Variants in ZFHX3 observed in about 807,000 individuals in gnomAD.
ZFHX3 encodes zinc finger homeobox protein 3.
A neutral mutation model predicts 279.1 loss-of-function variants in ZFHX3; 42 were observed. That is an observed-to-expected ratio of 0.15 (90% confidence interval 0.12 to 0.19). ZFHX3 has a LOEUF of 0.19. Ranked by LOEUF, ZFHX3 falls within the 10% of genes least tolerant of loss-of-function variation. The pLI, the probability that ZFHX3 is intolerant of heterozygous loss-of-function variation, is 1.00. For synonymous variants in ZFHX3, 2,293 were observed against 1,957.8 expected (o/e 1.17, Z -4.52); for missense variants, 4,981 against 4,754.0 (o/e 1.05, Z -1.40).
intron 3 of ZFHX3, among the ~76,000 whole-genome samples, chr16:72,927,213 T>A (rs1959500638): frequency 6.6e-6 from 1 of 152,246 alleles, no homozygotes; most frequent in Non-Finnish European, 1.5e-5. Flanking sequence ...TAATTTCCAT[T>A]TTTAAACAGT....
rs868759742 is a variant in ZFHX3 at position 72,949,673 on chromosome 16, G to T, written c.3216+796C>A. 1.6e-4 allele frequency among the ~76,000 whole-genome samples: 24 copies of T among 151,824 alleles called. 1 individual carries two copies. Among genetic ancestry groups the T allele is most frequent in the Middle Eastern group, 6.8e-3 (2 of 294 alleles). On this transcript the variant is annotated intron_variant, in intron 3 of 9. Coordinates refer to ENST00000268489, the MANE Select transcript of ZFHX3 (RefSeq NM_006885.4). ...GAGGAGAAGAGACAGAGGAAGAGGG[G>T]GAGGATGGGAGAAGCCCAGGAAGAA...
chr16:73,573,294 T>C (rs1309718236), intron 2 of ZFHX3, among the ~76,000 whole-genome samples: 1 of 152,070 alleles, frequency 6.6e-6, no homozygotes, highest in Non-Finnish European at 1.5e-5. Context: ...CCCTCCCCAA[T>C]GTGAAGGGAT....
At chr16:73,484,817 G>C (rs2018944451) in intron 2 of ZFHX3, among the ~76,000 whole-genome samples, 1 of 152,146 alleles carries the variant, frequency 6.6e-6, no homozygotes, top group South Asian at 2.1e-4. Flanking sequence ...AGTTACATAG[G>C]AACATCTCAT....
intron 1 of ZFHX3, among the ~76,000 whole-genome samples, chr16:73,023,588 G>T (rs368255829): frequency 6.6e-6 from 1 of 152,228 alleles, no homozygotes; most frequent in Non-Finnish European, 1.5e-5. Context: ...CTGTGCTTAC[G>T]CAGGTCACAC....
At position 72,788,170 on chromosome 16, in the gene ZFHX3, T is replaced by C; in HGVS notation, c.10106A>G (p.Gln3369Arg). The C allele has an allele frequency of 6.2e-7, 1 of 1,612,108 alleles. No individual in the cohort carries two copies. The highest frequency in any genetic ancestry group is 1.7e-5 in the Admixed American group (1 of 59,956). ...SLLQQYQQYQ[Q>R]SLQEAIQQQQ... ...CTGCTGAATTGCCTCCTGCAGACTC[T>C]GCTGGTATTGCTGGTACTGCTGCAG... The change falls in exon 10 of 10, where the codon CAG becomes CGG. Residue 3369 changes from glutamine to arginine, a missense_variant. Transcript: ENST00000268489.
intron 4 of ZFHX3, among the ~76,000 whole-genome samples, chr16:72,850,876 G>A (rs1436932502): frequency 6.6e-6 from 1 of 151,980 alleles, no homozygotes; most frequent in Admixed American, 6.6e-5. Context: ...CTGCAAGCAG[G>A]AACATTTGAC....
intron 1 of ZFHX3, among the ~76,000 whole-genome samples, chr16:73,756,569 CA>C (rs879914734): frequency 0.014 from 2,083 of 152,274 alleles, 21 homozygotes; most frequent in Middle Eastern, 0.031. Flanking sequence ...GGAGGGAGAC[CA>C]AGCTGACCTT....
chr16:73,229,165 C>T (rs931876190), intron 5 of ZFHX3, among the ~76,000 whole-genome samples: 1 of 152,134 alleles, frequency 6.6e-6, no homozygotes, highest in African/African-American at 2.4e-5. Flanking sequence ...TCTCTGGAAA[C>T]ACAAAGAAAG....
intron 5 of ZFHX3, among the ~76,000 whole-genome samples, chr16:73,157,464 G>GAAAAAAA (rs554099254): frequency 4.5e-5 from 1 of 22,036 alleles, no homozygotes; most frequent in African/African-American, 5.1e-4. Context: ...GGAATGTTTG[G>GAAAAAAA]TAAAAAAAAA....
chr16:73,393,983 CAT>C (rs1315013649), intron 3 of ZFHX3, among the ~76,000 whole-genome samples: 1 of 146,000 alleles, frequency 6.8e-6, no homozygotes, highest in Non-Finnish European at 1.5e-5. Flanking sequence ...TCATATATAT[CAT>C]ATATGTGATA....
chr16:73,666,768 A>G (rs1301836839), intron 2 of ZFHX3, among the ~76,000 whole-genome samples: 1 of 151,778 alleles, frequency 6.6e-6, no homozygotes, highest in African/African-American at 2.4e-5. Context: ...TCTCAAGTCA[A>G]TCCATCTGCC....
At chr16:73,880,607 C>T (rs1263546863) in intron 1 of ZFHX3, among the ~76,000 whole-genome samples, 1 of 152,092 alleles carries the variant, frequency 6.6e-6, no homozygotes, top group Non-Finnish European at 1.5e-5. Flanking sequence ...AGGCTTAGAG[C>T]AGTGTAGCTC....
chr16:73,222,402 C>T (rs1480203170), intron 5 of ZFHX3, among the ~76,000 whole-genome samples: 1 of 151,998 alleles, frequency 6.6e-6, no homozygotes, highest in Non-Finnish European at 1.5e-5. Context: ...ATACAAAACT[C>T]AATCACTCTC....
In ZFHX3 at chr16:72,784,246, C is replaced by G. The variant is rs569380841; in HGVS notation, c.*2918G>C. 1 of 147,706 alleles carries G rather than the reference C, an allele frequency of 6.8e-6. No homozygotes were observed. The highest frequency in any genetic ancestry group is 2.1e-4 in the South Asian group (1 of 4,694). The allele number at this position is 147,706 out of a possible 1,614,324, so 9.1% of individuals were successfully genotyped here. The stretch of plus-strand genomic sequence containing the variant: ...TCACAGAGGGAGGATGGCATAGTAG[C>G]TCCATGAAAAAAAAAAACAAAAACA... On this transcript the variant is annotated 3_prime_UTR_variant, in exon 10 of 10. Coordinates refer to ENST00000268489, the MANE Select transcript of ZFHX3 (RefSeq NM_006885.4).
At chr16:73,596,018 T>C (rs1337340785) in intron 2 of ZFHX3, among the ~76,000 whole-genome samples, 1 of 146,104 alleles carries the variant, frequency 6.8e-6, no homozygotes, top group Non-Finnish European at 1.5e-5. Context: ...TTTTATTTTA[T>C]TTTATTTTAT....
intron 4 of ZFHX3, among the ~76,000 whole-genome samples, chr16:72,875,157 CAGGGAACTCCCATAGAGAATTCCCAT>C (rs1165443940): frequency 5.3e-5 from 8 of 152,370 alleles, no homozygotes; most frequent in South Asian, 2.1e-4. Flanking sequence ...CTTACTGGCT[CAGGGAACTCCCATAGAGAATTCCCAT>C]AGGGAACTCC....
At chr16:73,415,270 T>C (rs531035941) in intron 3 of ZFHX3, among the ~76,000 whole-genome samples, 62 of 152,368 alleles carry the variant, frequency 4.1e-4, no homozygotes, top group Middle Eastern at 6.8e-3. Flanking sequence ...ACTTGGCTTA[T>C]AAGACATTAA....
At chr16:73,118,411 G>A (rs1215835608) in intron 7 of ZFHX3, among the ~76,000 whole-genome samples, 1 of 152,032 alleles carries the variant, frequency 6.6e-6, no homozygotes, top group African/African-American at 2.4e-5. Context: ...GTTTCATCAT[G>A]TTGGCCAGGC....
At chr16:73,393,262 T>A (rs981146725) in intron 3 of ZFHX3, among the ~76,000 whole-genome samples, 1 of 152,234 alleles carries the variant, frequency 6.6e-6, no homozygotes, top group Non-Finnish European at 1.5e-5. Flanking sequence ...CCTTCCAATT[T>A]AAGCTGAATA....
Sources: gnomAD v4.1 joint callset for allele counts (sites outside exome capture counted in the v4.1 genomes callset) on GRCh38, gnomAD v4.1.1 for gene constraint, MANE v1.5 for transcripts, NCBI Gene and HGNC (gene_info 2026-07-23, HGNC 2026-07-21) for gene names.